The following ZC3H18 variants were observed in gnomAD, a reference collection of about 807,000 sequenced individuals.
The protein encoded by ZC3H18 is zinc finger CCCH domain-containing protein 18.
A neutral mutation model predicts 106.1 loss-of-function variants in ZC3H18; 8 were observed. The observed-to-expected ratio is 0.08, with a 90% CI of 0.04 to 0.14. The LOEUF is 0.14. Ranked by LOEUF, ZC3H18 falls within the 10% of genes least tolerant of loss-of-function variation. The pLI is 1.00. For missense variants in ZC3H18, 1,318 were observed against 1,278.4 expected, an observed-to-expected ratio of 1.03 and a Z score of -0.47; for synonymous variants, 635 against 522.1, an observed-to-expected ratio of 1.22 and a Z score of -2.95.
At chr16:88,613,458 C>T (rs1341929599) in intron 8 of ZC3H18, among the ~76,000 whole-genome samples, 7 of 152,148 alleles carry the variant, frequency 4.6e-5, no homozygotes, top group East Asian at 1.9e-4. Flanking sequence ...TTTACATTCC[C>T]GCTAGCCGCA....
Position 88,627,834 on chromosome 16 carries a change from G to C in ZC3H18, c.2269+52G>C. 2 of 1,610,330 alleles carry C rather than the reference G, an allele frequency of 1.2e-6. No individual in the cohort carries two copies. The highest frequency in any genetic ancestry group is 8.5e-7 in the Non-Finnish European group (1 of 1,177,354). On this transcript the variant is annotated intron_variant, in intron 14 of 17. Coordinates refer to ENST00000301011, the MANE Select transcript of ZC3H18 (RefSeq NM_144604.4). This position sits in a 1 kb window ranked among gnomAD's most constrained non-coding sequence, Gnocchi z 4.5. Reference sequence around the variant, plus strand: ...GGAGCAGCTCCCGGGGGAGGAGGGCGGCATCAGCACAGACTTTGCCTGGCT... The same window carrying C: ...GGAGCAGCTCCCGGGGGAGGAGGGCCGCATCAGCACAGACTTTGCCTGGCT...
In ZC3H18 at chr16:88,588,994, C is replaced by A. The variant is rs117196533; in HGVS notation, c.688+2310C>A. ...TTTTATTCTGTAGAGTGAGGTGATA[C>A]GGTACAGAGGAAGTGGCTGATTCTT... is the stretch of plus-strand genomic sequence containing the variant. On this transcript the variant is annotated intron_variant, in intron 3 of 17. Coordinates refer to ENST00000301011, the MANE Select transcript of ZC3H18 (RefSeq NM_144604.4). Among the ~76,000 whole-genome samples the A allele has an allele frequency of 1.2e-4, 19 of 152,194 alleles. No individual in the cohort carries two copies. In the East Asian group the frequency reaches 2.3e-3, roughly 19 times the overall value.
chr16:88,585,924 G>T (rs1344505052), intron 2 of ZC3H18, among the ~76,000 whole-genome samples: 2 of 152,082 alleles, frequency 1.3e-5, no homozygotes, highest in African/African-American at 4.8e-5. Context: ...TGGGCAGCTG[G>T]TGCCCACGTG....
rs573753592 is a variant in ZC3H18, at chr16:88,625,454, T to G, written c.2108+187T>G. 2.2e-4 allele frequency: 144 copies of G among 667,458 alleles called. No individual in the cohort carries two copies. The African/African-American group carries it at 2.3e-3, about 11-fold the overall frequency. 41.3% of individuals were successfully genotyped at this position (667,458 alleles called of 1,614,324 possible). On this transcript the variant is annotated intron_variant, in intron 13 of 17. Coordinates refer to ENST00000301011, the MANE Select transcript of ZC3H18 (RefSeq NM_144604.4). ...ACAGGAGAAAATGGGCCAGGACTCGTGATAGGAAGACCCCCTCCCCCCACC... is the reference window on the plus strand; with the variant it reads ...ACAGGAGAAAATGGGCCAGGACTCGGGATAGGAAGACCCCCTCCCCCCACC...
In ZC3H18 at chr16:88,631,584, T is replaced by C. The variant is rs1196854405; in HGVS notation, c.*285T>C. 4 of 520,980 alleles carry C rather than the reference T, an allele frequency of 7.7e-6. No individual in the cohort carries two copies. The highest frequency in any genetic ancestry group is 1.5e-5 in the South Asian group (1 of 65,110). The allele number at this position is 520,980 out of a possible 1,614,324, so 32.3% of individuals were successfully genotyped here. A position where few individuals can be genotyped will look rare whatever the true frequency, so the allele number is the denominator to read the frequency against. On this transcript the variant is annotated 3_prime_UTR_variant, in exon 18 of 18. Coordinates refer to ENST00000301011, the MANE Select transcript of ZC3H18 (RefSeq NM_144604.4). Reference sequence around the variant, plus strand: ...AGCCCCAGCCGCCAGCCCCGCCTTCTCTTCCTCCTCCTCCGTCTTCTTCCC... The same window carrying C: ...AGCCCCAGCCGCCAGCCCCGCCTTCCCTTCCTCCTCCTCCGTCTTCTTCCC...
At position 88,630,744 on chromosome 16, in the gene ZC3H18, G is replaced by GCCCTACCCCCCCCC. The variant is rs1257539077; in HGVS notation, c.2663+166_2663+167insTACCCCCCCCCCCC. ...TGAGGGGCATGGACAGCGAATTGCAGCCCCACCCCCCACCCCCCCCCACAC... is the reference window on the plus strand; with the variant it reads ...TGAGGGGCATGGACAGCGAATTGCAGCCCTACCCCCCCCCCCCCACCCCCCACCCCCCCCCACAC... On this transcript the variant is annotated intron_variant, in intron 17 of 17. Transcript: ENST00000301011. Among the ~76,000 whole-genome samples the GCCCTACCCCCCCCC allele has an allele frequency of 3.4e-4, 26 of 76,508 alleles. 4 individuals carry two copies. The highest frequency in any genetic ancestry group is 4.8e-4 in the Admixed American group (3 of 6,214). 50.2% of individuals were successfully genotyped at this position (76,508 alleles called of 152,430 possible).
chr16:88,630,436 C>T, intron 16 of ZC3H18, 49 bp from the exon 17 acceptor site: 1 of 1,510,620 alleles, frequency 6.6e-7, no homozygotes, highest in Non-Finnish European at 9.1e-7. Flanking sequence ...CCCACACAGC[C>T]ATTCCCTGTA....
chr16:88,621,945 C>G (rs972370575), intron 8 of ZC3H18, among the ~76,000 whole-genome samples: 5 of 152,198 alleles, frequency 3.3e-5, no homozygotes, highest in African/African-American at 1.2e-4. Context: ...AAGTAACTGC[C>G]ATTCTGGTTC....
At chr16:88,617,222 C>T (rs776711859) in intron 8 of ZC3H18, among the ~76,000 whole-genome samples, 1 of 152,140 alleles carries the variant, frequency 6.6e-6, no homozygotes, top group Non-Finnish European at 1.5e-5. Flanking sequence ...GAGTTACTGG[C>T]TAGCTTGTCC....
At chr16:88,595,942 G>A (rs1904415320) in intron 3 of ZC3H18, among the ~76,000 whole-genome samples, 1 of 152,180 alleles carries the variant, frequency 6.6e-6, no homozygotes, top group African/African-American at 2.4e-5. Context: ...ATTTTAAAAA[G>A]ATAGATGGGA....
chr16:88,597,282 C>A (rs569192597), intron 3 of ZC3H18, among the ~76,000 whole-genome samples: 2 of 152,046 alleles, frequency 1.3e-5, no homozygotes, highest in African/African-American at 2.4e-5. Context: ...AGTTTTCTTT[C>A]GTGTTTAATT....
Position 88,598,351 on chromosome 16 carries a change from G to A in ZC3H18, c.837+25G>A, listed in dbSNP as rs755719506. ...GGTGCGTGATGCCTCTTCTTTCATT[G>A]TTAGCACATCAGCCAACTGAGCTGT... is the stretch of plus-strand genomic sequence containing the variant. On this transcript the variant is annotated intron_variant, in intron 4 of 17. Coordinates refer to ENST00000301011, the MANE Select transcript of ZC3H18 (RefSeq NM_144604.4). 24 of 1,581,998 alleles carry A rather than the reference G, an allele frequency of 1.5e-5. No homozygotes were observed. The East Asian group carries it at 4.9e-4, about 32-fold the overall frequency.
chr16:88,603,046 G>T (rs966257254), intron 6 of ZC3H18, among the ~76,000 whole-genome samples: 2 of 151,378 alleles, frequency 1.3e-5, no homozygotes, highest in Admixed American at 1.3e-4. Flanking sequence ...CTCACTGTAA[G>T]CTCCGCCTCC....
intron 1 of ZC3H18, among the ~76,000 whole-genome samples, chr16:88,575,339 G>T (rs551859650): frequency 4.1e-4 from 63 of 152,074 alleles, no homozygotes; most frequent in Non-Finnish European, 8.0e-4. Context: ...TGCTGCGTCC[G>T]TAGTTATCTT....
intron 3 of ZC3H18, among the ~76,000 whole-genome samples, chr16:88,596,835 A>G (rs1253710374): frequency 6.6e-6 from 1 of 152,234 alleles, no homozygotes; most frequent in Non-Finnish European, 1.5e-5. Flanking sequence ...TCTCAGATGG[A>G]TGACTGCATA....
intron 7 of ZC3H18, 147 bp downstream of exon 7, chr16:88,609,198 C>G: frequency 1.9e-6 from 1 of 520,598 alleles, no homozygotes; most frequent in Admixed American, 3.7e-5. Flanking sequence ...TTGATTGTTA[C>G]GGAGAACGAA....
chr16:88,617,150 C>T (rs563222075), intron 8 of ZC3H18, among the ~76,000 whole-genome samples: 2 of 152,190 alleles, frequency 1.3e-5, no homozygotes, highest in Admixed American at 6.5e-5. Flanking sequence ...TTTTCCTTAT[C>T]TCTAAGCTAA....
At chr16:88,605,571 T>G (rs1375592952) in intron 6 of ZC3H18, among the ~76,000 whole-genome samples, 1 of 152,266 alleles carries the variant, frequency 6.6e-6, no homozygotes, top group Non-Finnish European at 1.5e-5. Context: ...TCCCTCCACC[T>G]GGGTTGAGGT....
chr16:88,622,155 C>T (rs368778291), intron 8 of ZC3H18, 42 bp from the exon 9 acceptor site: 47 of 1,577,276 alleles, frequency 3.0e-5, no homozygotes, highest in Non-Finnish European at 3.7e-5. Context: ...TGCTGTGAAG[C>T]GGAAGGTGGC....
Sources: allele counts gnomAD v4.1 joint callset (sites outside exome capture counted in the v4.1 genomes callset), GRCh38; gene constraint gnomAD v4.1.1; non-coding constraint Gnocchi (gnomAD v3.1); transcripts MANE v1.5; gene names NCBI Gene and HGNC (gene_info 2026-07-23, HGNC 2026-07-21).